The following MICAL2 variants were observed in gnomAD, a reference collection of about 807,000 sequenced individuals.
MICAL2 encodes microtubule associated monooxygenase, calponin and LIM domain containing 2, also known as [F-actin]-monooxygenase MICAL2.
MICAL2 carries 77 observed loss-of-function variants against 127.3 expected under a neutral mutation model. The observed-to-expected ratio is 0.60, with a 90% CI of 0.50 to 0.73. The LOEUF is 0.73. MICAL2 is among the 30% of genes least tolerant of loss of function. The pLI is 0.00. For synonymous variants in MICAL2, 570 were observed against 551.1 expected (o/e 1.03, Z -0.48); for missense variants, 1,351 against 1,434.4 (o/e 0.94, Z 0.94).
At chr11:12,193,295 C>T (rs1859450528) in intron 3 of MICAL2, among the ~76,000 whole-genome samples, 1 of 152,218 alleles carries the variant, frequency 6.6e-6, no homozygotes, top group African/African-American at 2.4e-5. Context: ...GGTAGCCTTG[C>T]ACTCCTTGGC....
chr11:12,218,729 G>A (rs188095552), intron 8 of MICAL2, among the ~76,000 whole-genome samples: 182 of 152,282 alleles, frequency 1.2e-3, no homozygotes, highest in African/African-American at 3.1e-3. Context: ...CAATTTGGGC[G>A]GTTTGGTTTG....
At chr11:12,355,652 T>C (rs770513629) in intron 34 of MICAL2, among the ~76,000 whole-genome samples, 12 of 152,178 alleles carry the variant, frequency 7.9e-5, no homozygotes, top group Admixed American at 2.6e-4. Context: ...TAGGCATTAT[T>C]ATCACTGATT....
At chr11:12,134,826 C>A (rs1202144289) in intron 1 of MICAL2, among the ~76,000 whole-genome samples, 2 of 149,828 alleles carry the variant, frequency 1.3e-5, no homozygotes, top group Admixed American at 6.6e-5. Flanking sequence ...CTTGTCTCTA[C>A]AAAAAAAAAA....
chr11:12,213,986 C>T (rs76521370), intron 7 of MICAL2, among the ~76,000 whole-genome samples: 11,602 of 152,244 alleles, frequency 0.076, 544 homozygotes, highest in Non-Finnish European at 0.098. Context: ...GATTCATTCA[C>T]TCAATATTTA....
At chr11:12,218,080 A>G (rs1856405336) in intron 8 of MICAL2, among the ~76,000 whole-genome samples, 1 of 152,184 alleles carries the variant, frequency 6.6e-6, no homozygotes, top group African/African-American at 2.4e-5. Context: ...TGTTGAATGA[A>G]TGACTGACCT....
At chr11:12,175,690 G>A (rs1215907171) in intron 3 of MICAL2, among the ~76,000 whole-genome samples, 1 of 152,018 alleles carries the variant, frequency 6.6e-6, no homozygotes, top group East Asian at 1.9e-4. Context: ...GGATGTCCTG[G>A]GAAGGCTTCT....
At chr11:12,240,950 TCTC>T in intron 17 of MICAL2, 87 bp from the exon 18 acceptor site, 1 of 1,502,946 alleles carries the variant, frequency 6.7e-7, no homozygotes, top group Non-Finnish European at 9.1e-7. Context: ...CTGCTCCTCT[TCTC>T]TTCTCCCTCC....
chr11:12,278,531 A>G (rs559036971), intron 1 of MICAL2, among the ~76,000 whole-genome samples: 2 of 152,356 alleles, frequency 1.3e-5, no homozygotes, highest in East Asian at 3.9e-4. Flanking sequence ...CTAAAACATC[A>G]TTATGAAAGA....
intron 13 of MICAL2, among the ~76,000 whole-genome samples, chr11:12,225,947 C>T (rs978804611): frequency 3.9e-5 from 6 of 152,200 alleles, no homozygotes; most frequent in African/African-American, 1.4e-4. Flanking sequence ...TTAGCCCAGG[C>T]AGCAATAACG....
In MICAL2 at chr11:12,259,824, C is replaced by T. The variant is rs202111550; in HGVS notation, c.3261C>T (p.Ala1087=). The change falls in exon 26 of 28, where the codon GCC becomes GCT. Residue 1087 remains alanine, a synonymous_variant. Transcript: ENST00000683283. ...AGGCAACATGGCAAGAGCAGGAAGCCCCTCGGAGAGACACTCCCACCGAAA... is the reference window on the plus strand; with the variant it reads ...AGGCAACATGGCAAGAGCAGGAAGCTCCTCGGAGAGACACTCCCACCGAAA... ...EEEATWQEQE[A]PRRDTPTESS... 3.2e-6 allele frequency: 5 copies of T among 1,577,568 alleles called. No individual in the cohort carries two copies. The highest frequency in any genetic ancestry group is 4.3e-6 in the Non-Finnish European group (5 of 1,159,038).
intron 2 of MICAL2, among the ~76,000 whole-genome samples, chr11:12,149,708 A>G (rs1312095642): frequency 1.3e-5 from 2 of 152,196 alleles, no homozygotes; most frequent in Non-Finnish European, 2.9e-5. Context: ...GAGAAGGAAC[A>G]GGTGGGGTTG....
intron 1 of MICAL2, among the ~76,000 whole-genome samples, chr11:12,277,412 C>T (rs1460636361): frequency 1.3e-5 from 2 of 152,156 alleles, no homozygotes. Flanking sequence ...GCAAAGCCCC[C>T]ATTGCAAAGG....
chr11:12,189,669 T>C (rs1482702971), intron 3 of MICAL2, among the ~76,000 whole-genome samples: 1 of 152,230 alleles, frequency 6.6e-6, no homozygotes, highest in Non-Finnish European at 1.5e-5. Flanking sequence ...GTTACAGCGA[T>C]GATGCATTAG....
intron 1 of MICAL2, among the ~76,000 whole-genome samples, chr11:12,136,232 C>T (rs1247335120): frequency 6.6e-6 from 1 of 152,142 alleles, no homozygotes; most frequent in African/African-American, 2.4e-5. Flanking sequence ...TTTCTTCATT[C>T]TGGTTGATTA....
At chr11:12,314,782 G>T (rs1001232081) in intron 29 of MICAL2, among the ~76,000 whole-genome samples, 2 of 151,856 alleles carry the variant, frequency 1.3e-5, no homozygotes, top group East Asian at 1.9e-4. Flanking sequence ...CACCTTGCCC[G>T]GCCAGAAAAC....
rs1554968135 is a variant in MICAL2, at chr11:12,180,335, G to GTATATA, written c.264+17918_264+17923dup. ...AGACTCTTGCAGTGTTTATATACAT[G>GTATATA]TATATATGTATATATTTTTTTTTTG... On this transcript the variant is annotated intron_variant, in intron 3 of 27. Coordinates refer to ENST00000683283, the MANE Select transcript of MICAL2 (RefSeq NM_001282663.2). 4.7e-3 allele frequency among the ~76,000 whole-genome samples: 599 copies of GTATATA among 126,412 alleles called. 4 individuals are homozygous for GTATATA. The highest frequency in any genetic ancestry group is 0.018 in the African/African-American group (519 of 29,302). 82.9% of individuals were successfully genotyped at this position (126,412 alleles called of 152,430 possible).
intron 9 of MICAL2, 109 bp from the exon 10 acceptor site, chr11:12,221,535 C>T (rs1329293716): frequency 1.5e-6 from 1 of 683,052 alleles, no homozygotes. Context: ...ACCTCTCTGT[C>T]CCTCCAGTGC....
intron 34 of MICAL2, among the ~76,000 whole-genome samples, chr11:12,355,150 T>G (rs1939111212): frequency 6.6e-6 from 1 of 152,200 alleles, no homozygotes; most frequent in Non-Finnish European, 1.5e-5. Context: ...TACTGGGAAC[T>G]ATGGTCCTGG....
chr11:12,269,619 C>T (rs1565288920), intron 24 of MICAL2, among the ~76,000 whole-genome samples: 1 of 152,172 alleles, frequency 6.6e-6, no homozygotes, highest in East Asian at 1.9e-4. Flanking sequence ...GGCCCAGTGT[C>T]CAGGATGAGG....
Sources: gnomAD v4.1 joint callset for allele counts (sites outside exome capture counted in the v4.1 genomes callset) on GRCh38, gnomAD v4.1.1 for gene constraint, MANE v1.5 for transcripts, NCBI Gene and HGNC (gene_info 2026-07-23, HGNC 2026-07-21) for gene names.